Variants in NRP2 observed in about 807,000 individuals in gnomAD.
The protein encoded by NRP2 is neuropilin-2.
A neutral mutation model predicts 110.4 loss-of-function variants in NRP2; 52 were observed. That is an observed-to-expected ratio of 0.47 (90% CI 0.38 to 0.59). The LOEUF (loss-of-function observed/expected upper bound fraction) is 0.59. Among genes scored for constraint, NRP2 ranks in the 20% least tolerant of loss-of-function variants. The pLI is 0.00. For missense variants in NRP2, 1,049 were observed against 1,203.0 expected (o/e 0.87, Z 1.89); for synonymous variants, 508 against 468.9 (o/e 1.08, Z -1.08).
chr2:205,769,837 A>G (rs1474895699), intron 15 of NRP2, among the ~76,000 whole-genome samples: 2 of 152,200 alleles, frequency 1.3e-5, no homozygotes, highest in Non-Finnish European at 1.5e-5. Context: ...GGGGGGAAAA[A>G]GAACCGAAAA....
intron 1 of NRP2, 137 bp from the exon 2 acceptor site, chr2:205,697,407 G>T (rs748399560): frequency 7.2e-6 from 6 of 836,024 alleles, no homozygotes; most frequent in East Asian, 2.4e-5. Flanking sequence ...GAGTAAGTAG[G>T]TTAGTCTTCT....
At chr2:205,735,459 ATATATATATAAT>A (rs1652017461) in intron 7 of NRP2, among the ~76,000 whole-genome samples, 1 of 148,194 alleles carries the variant, frequency 6.7e-6, no homozygotes, top group Non-Finnish European at 1.5e-5. Context: ...TAGATTTTAT[ATATATATATAAT>A]TATATATATA....
chr2:205,776,966 C>T (rs1392437262), intron 15 of NRP2: 8 of 1,111,150 alleles, frequency 7.2e-6, no homozygotes, highest in Non-Finnish European at 2.2e-6. Context: ...GTGTGAATAG[C>T]TCTCTGTGTG....
chr2:205,764,238 G>A lies in NRP2; in HGVS notation c.2307+302G>A, dbSNP rs2057873966. Reference sequence around the variant, plus strand: ...CTGACAAAGGGACACAGAAGCCAGAGAAATAAACACAAACAAACCCTCCAC... The same window carrying A: ...CTGACAAAGGGACACAGAAGCCAGAAAAATAAACACAAACAAACCCTCCAC... On this transcript the variant is annotated intron_variant, in intron 13 of 16. Coordinates refer to ENST00000357785, the MANE Select transcript of NRP2 (RefSeq NM_003872.3). 2.6e-5 allele frequency: 11 copies of A among 417,654 alleles called. 1 individual carries two copies. The highest frequency in any genetic ancestry group is 2.5e-4 in the South Asian group (10 of 40,298). 25.9% of individuals were successfully genotyped at this position (417,654 alleles called of 1,614,324 possible).
chr2:205,717,511 C>T (rs1037515616), intron 3 of NRP2, among the ~76,000 whole-genome samples: 1 of 152,168 alleles, frequency 6.6e-6, no homozygotes, highest in Non-Finnish European at 1.5e-5. Flanking sequence ...TTTGTCTGCC[C>T]GAGAACAAGA....
chr2:205,742,614 G>A (rs763218879), intron 8 of NRP2, among the ~76,000 whole-genome samples: 11 of 152,196 alleles, frequency 7.2e-5, no homozygotes, highest in Admixed American at 6.5e-4. Context: ...GCAGTAAAGA[G>A]CAGTTATTTG....
At chr2:205,685,993 C>A (rs2056149839) in intron 1 of NRP2, among the ~76,000 whole-genome samples, 1 of 152,192 alleles carries the variant, frequency 6.6e-6, no homozygotes, top group African/African-American at 2.4e-5. Flanking sequence ...CGGCCATCCA[C>A]GTGGTGGGGA....
In NRP2 at chr2:205,792,148, G is replaced by C. The variant is rs1003013180; in HGVS notation, c.2426-87G>C. 10 of 852,524 alleles carry C rather than the reference G, an allele frequency of 1.2e-5. No homozygotes were observed. The African/African-American group carries it at 1.5e-4, about 13-fold the overall frequency. The allele number at this position is 852,524 out of a possible 1,614,324, so 52.8% of individuals were successfully genotyped here. On this transcript the variant is annotated intron_variant, in intron 15 of 16. Transcript: ENST00000357785. ...CTCTAGCTGCCTGCCAGAATGGGGA[G>C]TCATTCTCGTAAAGATTGCCTCCCT...
intron 15 of NRP2, among the ~76,000 whole-genome samples, chr2:205,782,855 G>GTTT (rs71410838): frequency 6.9e-6 from 1 of 144,392 alleles, no homozygotes; most frequent in Non-Finnish European, 1.5e-5. Context: ...ACTGTGTCTA[G>GTTT]TTTTTTTTTT....
chr2:205,764,394 A>G (rs1252281191), intron 13 of NRP2: 3 of 197,194 alleles, frequency 1.5e-5, no homozygotes, highest in African/African-American at 7.1e-5. Flanking sequence ...GCCGGCAGAC[A>G]TGAGAGGCTC....
intron 12 of NRP2, chr2:205,762,639 C>T (rs896088114): frequency 1.3e-5 from 2 of 152,214 alleles, no homozygotes; most frequent in Non-Finnish European, 2.9e-5. Flanking sequence ...TGCCATCTTG[C>T]AGAAGTATTC....
chr2:205,685,677 T>G (rs2056135599), intron 1 of NRP2: 1 of 152,618 alleles, frequency 6.6e-6, no homozygotes, highest in African/African-American at 2.4e-5. Flanking sequence ...GCCGCTAGCC[T>G]GCCTCCCTCC....
Position 205,745,855 on chromosome 2 carries a change from G to A in NRP2, c.1751G>A (p.Gly584Glu). 6.2e-7 allele frequency: 1 copy of A among 1,614,126 alleles called. No homozygotes were observed. Among genetic ancestry groups the A allele is most frequent in the East Asian group, 2.2e-5 (1 of 44,872 alleles). ...YPERWSPAGI[G>E]MRLEVLGCDW... ...GAGAGGTGGTCGCCGGCGGGGATTG[G>A]GATGCGGCTGGAGGTGCTGGGCTGT... Residue 584 changes from glycine (G) to glutamate (E), a missense_variant, in exon 10 of 17, where the codon GGG (glycine) becomes GAG (glutamate). Physicochemically the swap from Gly to Glu is moderately conservative, Grantham distance 98 (BLOSUM62 -2). Transcript: ENST00000357785.
chr2:205,710,560 C>A (rs181559105), intron 2 of NRP2, among the ~76,000 whole-genome samples: 8 of 152,328 alleles, frequency 5.3e-5, no homozygotes, highest in Admixed American at 5.2e-4. Context: ...AAAAGTCTGA[C>A]CTGACAGTGA....
At chr2:205,703,201 C>A (rs1427359510) in intron 2 of NRP2, among the ~76,000 whole-genome samples, 2 of 152,084 alleles carry the variant, frequency 1.3e-5, no homozygotes, top group Non-Finnish European at 2.9e-5. Flanking sequence ...CCTATTTGTC[C>A]CTCTGGGAAT....
rs139802210 is a variant in NRP2 at position 205,691,934 on chromosome 2, T to C, written c.74-5610T>C. 1.2e-4 allele frequency among the ~76,000 whole-genome samples: 18 copies of C among 152,340 alleles called. No homozygotes were observed. In the East Asian group the frequency reaches 3.5e-3, roughly 29 times the overall value. The stretch of plus-strand genomic sequence containing the variant: ...TACATTTTACCGATTAAATGAGGCT[T>C]CATTTTTAGAATCTAGATTGAGGGG... On this transcript the variant is annotated intron_variant, in intron 1 of 16. Transcript: ENST00000357785.
chr2:205,723,661 T>A, intron 4 of NRP2, 124 bp from the exon 5 acceptor site: 1 of 993,116 alleles, frequency 1.0e-6, no homozygotes, highest in Non-Finnish European at 1.6e-6. Context: ...ATCTTTGGTT[T>A]TTATGGCAAG....
At chr2:205,764,827 A>G (rs2057887310) in intron 13 of NRP2, among the ~76,000 whole-genome samples, 1 of 152,144 alleles carries the variant, frequency 6.6e-6, no homozygotes, top group African/African-American at 2.4e-5. Context: ...AGTGTGTTGT[A>G]TTGTAACTAC....
chr2:205,752,693 G>A (rs1367000631), intron 11 of NRP2, 142 bp from the exon 12 acceptor site: 3 of 864,714 alleles, frequency 3.5e-6, no homozygotes, highest in Non-Finnish European at 5.7e-6. Context: ...TCGCCAAGAT[G>A]AGTTAAATGA....
Sources: allele counts gnomAD v4.1 joint callset (sites outside exome capture counted in the v4.1 genomes callset), GRCh38; gene constraint gnomAD v4.1.1; transcripts MANE v1.5; gene names NCBI Gene and HGNC (gene_info 2026-07-23, HGNC 2026-07-21).